Variants in TRRAP observed in about 807,000 individuals in gnomAD.
TRRAP encodes the protein transformation/transcription domain-associated protein.
Under a neutral mutation model 438.8 loss-of-function variants are expected in TRRAP, and 41 were observed. The observed-to-expected ratio is 0.09, with a 90% CI of 0.07 to 0.12. The LOEUF is 0.12. Among genes scored for constraint, TRRAP ranks in the 10% least tolerant of loss-of-function variants. The pLI is 1.00. For missense variants in TRRAP, 3,122 were observed against 5,055.1 expected (o/e 0.62, Z 11.60); for synonymous variants, 1,994 against 1,962.9 (o/e 1.02, Z -0.42).
At chr7:98,925,363 C>G (rs1554411391) in intron 22 of TRRAP, 100 bp downstream of exon 22, 3 of 1,500,398 alleles carry the variant, frequency 2.0e-6, no homozygotes, top group Non-Finnish European at 2.7e-6. Flanking sequence ...GAGCAGGCTC[C>G]TTGAAGTCCA....
In TRRAP at chr7:98,962,447, G is replaced by T; in HGVS notation, c.6829+20G>T. 2.5e-6 allele frequency: 4 copies of T among 1,613,860 alleles called. No individual in the cohort carries two copies. Among genetic ancestry groups the T allele is most frequent in the Non-Finnish European group, 3.4e-6 (4 of 1,179,724 alleles). ...TCTTCGGTGAGTGTGTGTCTGTCCT[G>T]GTGTTCGTGGTGGCTCAGTTTGGCC... On this transcript the variant is annotated intron_variant, in intron 47 of 72. Transcript: ENST00000456197.
At chr7:99,004,974 G>A (rs147186325) in intron 68 of TRRAP, among the ~76,000 whole-genome samples, 157 bp from the exon 69 acceptor site, 1 of 152,218 alleles carries the variant, frequency 6.6e-6, no homozygotes, top group East Asian at 1.9e-4. Context: ...CATTTACACC[G>A]CATCAGGGTG....
chr7:98,903,305 A>G lies in TRRAP; in HGVS notation c.898-74A>G, dbSNP rs1796557388. 4.5e-6 allele frequency: 7 copies of G among 1,567,940 alleles called. No homozygotes were observed. In the East Asian group the frequency reaches 1.6e-4, roughly 35 times the overall value. On this transcript the variant is annotated intron_variant, in intron 11 of 72. Coordinates refer to ENST00000456197, the MANE Select transcript of TRRAP (RefSeq NM_001375524.1). Reference sequence around the variant, plus strand: ...CCAAAGGTCTTACTGAATTTTTAAGAAGCTGATAACATTTGAATTTTTCTT... The same window carrying G: ...CCAAAGGTCTTACTGAATTTTTAAGGAGCTGATAACATTTGAATTTTTCTT...
At position 98,881,148 on chromosome 7, in the gene TRRAP, A is replaced by G. The variant is rs781949215; in HGVS notation, c.-3A>G. The G allele has an allele frequency of 2.7e-5, 43 of 1,602,870 alleles. No homozygotes were observed. The highest frequency in any genetic ancestry group is 3.2e-5 in the Non-Finnish European group (37 of 1,174,428). ...TTGAGAAGCAAACCAGCCCAAAAGA[A>G]AAATGGCGTTTGTTGCAACACAGGG... On this transcript the variant is annotated 5_prime_UTR_variant, in exon 2 of 73. Transcript: ENST00000456197.
chr7:98,990,811 T>G, intron 64 of TRRAP, among the ~76,000 whole-genome samples, 192 bp downstream of exon 64: 1 of 152,190 alleles, frequency 6.6e-6, no homozygotes, highest in Non-Finnish European at 1.5e-5. Flanking sequence ...TATATCAGAG[T>G]TGAAATGAAA....
chr7:98,979,311 G>C (rs971768457), intron 58 of TRRAP, among the ~76,000 whole-genome samples: 7 of 152,188 alleles, frequency 4.6e-5, no homozygotes, highest in Non-Finnish European at 7.3e-5. Context: ...TCAAGTCCCT[G>C]ATATAAAACG....
chr7:98,927,932 T>C (rs1373632427), intron 23 of TRRAP, among the ~76,000 whole-genome samples: 1 of 152,176 alleles, frequency 6.6e-6, no homozygotes, highest in East Asian at 1.9e-4. Context: ...TTGTAGGTGA[T>C]GTCTTTGTAA....
At chr7:98,894,050 T>A (rs1796088231) in intron 6 of TRRAP, among the ~76,000 whole-genome samples, 169 bp downstream of exon 6, 1 of 152,236 alleles carries the variant, frequency 6.6e-6, no homozygotes, top group African/African-American at 2.4e-5. Flanking sequence ...TAAAAAAATG[T>A]TATTATCAAT....
At position 99,011,591 on chromosome 7, in the gene TRRAP, C is replaced by T. The variant is rs1794429159; in HGVS notation, c.11337+56C>T. On this transcript the variant is annotated intron_variant, in intron 72 of 72. Coordinates refer to ENST00000456197, the MANE Select transcript of TRRAP (RefSeq NM_001375524.1). This position sits in a 1 kb window ranked among gnomAD's most constrained non-coding sequence, Gnocchi z 7.1. ...CAGGCTAGAGCCACTCAGATGCCCG[C>T]GCGTCACGGCCTTGCAGGAGCTGCT... 5.8e-6 allele frequency: 9 copies of T among 1,562,042 alleles called. No individual in the cohort carries two copies. Among genetic ancestry groups the T allele is most frequent in the Admixed American group, 5.6e-5 (3 of 53,422 alleles).
Position 98,948,817 on chromosome 7 carries a change from G to A in TRRAP, c.4788+132G>A, listed in dbSNP as rs1791200224. On this transcript the variant is annotated intron_variant, in intron 35 of 72. Transcript: ENST00000456197. The surrounding 1 kb of genome is among the most constrained non-coding windows in gnomAD (Gnocchi z 4.9). ...TTTTTTCAGATCCATTTGAATATTG[G>A]AAACAGCATTGCTGTTTGGTTGTGT... The A allele has an allele frequency of 5.6e-6, 8 of 1,432,520 alleles. No individual in the cohort carries two copies. Among genetic ancestry groups the A allele is most frequent in the Non-Finnish European group, 7.5e-6 (8 of 1,066,164 alleles). The allele number at this position is 1,432,520 out of a possible 1,614,324, so 88.7% of individuals were successfully genotyped here.
intron 38 of TRRAP, 122 bp from the exon 39 acceptor site, chr7:98,950,752 TCA>T: frequency 8.2e-7 from 1 of 1,216,934 alleles, no homozygotes; most frequent in Non-Finnish European, 1.1e-6. Context: ...AGGTTGGTAG[TCA>T]CACCCTGGGT....
intron 19 of TRRAP, 72 bp from the exon 20 acceptor site, chr7:98,917,351 T>A: frequency 6.4e-7 from 1 of 1,565,204 alleles, no homozygotes; most frequent in Non-Finnish European, 8.7e-7. Context: ...GGGGCAGTTC[T>A]TTTGTGTGTT....
Position 98,956,506 on chromosome 7 carries a change from T to C in TRRAP, c.6204T>C (p.Phe2068=). 6.2e-7 allele frequency: 1 copy of C among 1,614,186 alleles called. No homozygotes were observed. ...ATTCTGCCCAGGAAGTGAAACGCTTTAGGACGGCCACCGGAGCCATCAGTG... is the reference window on the plus strand; with the variant it reads ...ATTCTGCCCAGGAAGTGAAACGCTTCAGGACGGCCACCGGAGCCATCAGTG... ...SVDSAQEVKR[F]RTATGAISAV... Residue 2068 remains phenylalanine (F), a synonymous_variant, in exon 43 of 73, where the codon TTT becomes TTC. Transcript: ENST00000456197. This position sits in a 1 kb window ranked among gnomAD's most constrained non-coding sequence, Gnocchi z 4.5.
At position 98,962,164 on chromosome 7, in the gene TRRAP, C is replaced by T. The variant is rs918771063; in HGVS notation, c.6704-138C>T. ...AACGGGAACCAGCCCAGAGGTGAGGCCCACACTGTCCTGCAGGGAGAGAAG... is the reference window on the plus strand; with the variant it reads ...AACGGGAACCAGCCCAGAGGTGAGGTCCACACTGTCCTGCAGGGAGAGAAG... On this transcript the variant is annotated intron_variant, in intron 46 of 72. Coordinates refer to ENST00000456197, the MANE Select transcript of TRRAP (RefSeq NM_001375524.1). 2.1e-5 allele frequency: 27 copies of T among 1,289,896 alleles called. No homozygotes were observed. In the African/African-American group the frequency reaches 2.7e-4, roughly 13 times the overall value. 79.9% of individuals were successfully genotyped at this position (1,289,896 alleles called of 1,614,324 possible).
At position 99,012,062 on chromosome 7, in the gene TRRAP, C is replaced by A; in HGVS notation, c.11338-9C>A. ...AAACACAAGTCGTCTCGTTCTCTCC[C>A]TCACGCAGGTGGATGGCATTCTGAA... On this transcript the variant is annotated splice_polypyrimidine_tract_variant and intron_variant, in intron 72 of 72. Transcript: ENST00000456197. The surrounding 1 kb of genome is among the most constrained non-coding windows in gnomAD (Gnocchi z 5.9). 1 of 1,612,204 alleles carries A rather than the reference C, an allele frequency of 6.2e-7. No individual in the cohort carries two copies. Among genetic ancestry groups the A allele is most frequent in the South Asian group, 1.1e-5 (1 of 90,966 alleles).
At chr7:98,885,684 A>T (rs1311540978) in intron 3 of TRRAP, among the ~76,000 whole-genome samples, 1 of 151,920 alleles carries the variant, frequency 6.6e-6, no homozygotes, top group African/African-American at 2.4e-5. Flanking sequence ...ATATATATAT[A>T]TGAAGAGGTG....
Position 99,012,521 on chromosome 7 carries a change from G to A in TRRAP, c.*166G>A. On this transcript the variant is annotated 3_prime_UTR_variant, in exon 73 of 73. Coordinates refer to ENST00000456197, the MANE Select transcript of TRRAP (RefSeq NM_001375524.1). This position sits in a 1 kb window ranked among gnomAD's most constrained non-coding sequence, Gnocchi z 5.9. The stretch of plus-strand genomic sequence containing the variant: ...TTGCGTGTAAGAAAGGGAGAATATA[G>A]TTTTAGAGGAAGCTGAACTATGACG... The A allele has an allele frequency of 1.2e-6, 1 of 854,128 alleles. No individual in the cohort carries two copies. The highest frequency in any genetic ancestry group is 1.7e-6 in the Non-Finnish European group (1 of 572,746). The allele number at this position is 854,128 out of a possible 1,614,324, so 52.9% of individuals were successfully genotyped here. A position where few individuals can be genotyped will look rare whatever the true frequency, so the allele number is the denominator to read the frequency against.
chr7:98,921,831 A>T lies in TRRAP; in HGVS notation c.2701A>T (p.Ser901Cys). 1 of 1,614,256 alleles carries T rather than the reference A, an allele frequency of 6.2e-7. No homozygotes were observed. The highest frequency in any genetic ancestry group is 8.5e-7 in the Non-Finnish European group (1 of 1,180,050). Reference protein sequence around the residue: ...AYRVLGKFGGSNRKMLKESQK... With the variant: ...AYRVLGKFGGCNRKMLKESQK... ...CCGTGTGCTCGGTAAGTTTGGCGGC[A>T]GTAACAGGAAGATGCTGAAGGAGTC... The change falls in exon 21 of 73, where the codon AGT becomes TGT. Residue 901 changes from serine (S) to cysteine (C), a missense_variant. This residue lies in a region of TRRAP where 133 missense variants were observed against 188.6 expected (regional missense o/e 0.71). Coordinates refer to ENST00000456197, the MANE Select transcript of TRRAP (RefSeq NM_001375524.1).
chr7:98,952,871 C>A (rs573510314), intron 39 of TRRAP, among the ~76,000 whole-genome samples: 2 of 152,110 alleles, frequency 1.3e-5, no homozygotes, highest in African/African-American at 2.4e-5. Context: ...TCCTTAGGAA[C>A]GAAAGGAGCC....
Sources: gnomAD v4.1 joint callset for allele counts (sites outside exome capture counted in the v4.1 genomes callset) on GRCh38, gnomAD v4.1.1 for gene constraint, gnomAD v4.1.1 regional missense constraint, Gnocchi (gnomAD v3.1) non-coding constraint, MANE v1.5 for transcripts, NCBI Gene and HGNC (gene_info 2026-07-23, HGNC 2026-07-21) for gene names.